PDE3B: variants seen among roughly 807,000 people sequenced by gnomAD.
The protein encoded by PDE3B is cGMP-inhibited 3',5'-cyclic phosphodiesterase 3B.
Under a neutral mutation model 116.8 loss-of-function variants are expected in PDE3B, and 66 were observed. That is an observed-to-expected ratio of 0.56 (90% CI 0.46 to 0.69). The LOEUF (loss-of-function observed/expected upper bound fraction) is 0.69. Ranked by LOEUF, PDE3B falls within the 30% of genes least tolerant of loss-of-function variation. The pLI, the probability that PDE3B is intolerant of heterozygous loss-of-function variation, is 0.00. For missense variants in PDE3B, 1,384 were observed against 1,368.1 expected (o/e 1.01, Z -0.18); for synonymous variants, 595 against 533.6 (o/e 1.12, Z -1.59).
chr11:14,721,944 A>T (rs1292681349), intron 1 of PDE3B, among the ~76,000 whole-genome samples: 2 of 150,572 alleles, frequency 1.3e-5, no homozygotes, highest in Non-Finnish European at 1.5e-5. Flanking sequence ...AAAAAAAAGA[A>T]AATGTGGCAC....
chr11:14,854,673 C>T (rs537431826), intron 12 of PDE3B, among the ~76,000 whole-genome samples: 20 of 152,258 alleles, frequency 1.3e-4, no homozygotes, highest in South Asian at 4.1e-4. Flanking sequence ...CATGCCACCA[C>T]GCCCAGCTAA....
intron 10 of PDE3B, among the ~76,000 whole-genome samples, chr11:14,833,901 C>T (rs1000322858): frequency 5.3e-5 from 8 of 152,090 alleles, no homozygotes; most frequent in South Asian, 2.1e-4. Context: ...GGAAATGGAA[C>T]GAAAAGAAAG....
intron 1 of PDE3B, among the ~76,000 whole-genome samples, chr11:14,670,643 A>C (rs1854336085): frequency 6.6e-6 from 1 of 152,188 alleles, no homozygotes; most frequent in African/African-American, 2.4e-5. Context: ...GATGTTTTAA[A>C]GTATTAATGT....
At chr11:14,831,155 T>C (rs1859871129) in intron 8 of PDE3B, among the ~76,000 whole-genome samples, 1 of 151,726 alleles carries the variant, frequency 6.6e-6, no homozygotes, top group African/African-American at 2.4e-5. Context: ...AGAGAATATG[T>C]GCATGTTACT....
rs140825685 is a variant in PDE3B, at chr11:14,697,758, A to G, written c.978+52705A>G. ...ATTTACATCTTAAAATTTTTTTCTC[A>G]ATTTTTAGTTTTCAGTTGTAGATGT... On this transcript the variant is annotated intron_variant, in intron 1 of 15. Transcript: ENST00000282096. 4.4e-3 allele frequency among the ~76,000 whole-genome samples: 661 copies of G among 151,838 alleles called. 2 individuals are homozygous for G. Among genetic ancestry groups the G allele is most frequent in the Non-Finnish European group, 7.2e-3 (488 of 67,900 alleles).
In PDE3B at chr11:14,870,039, G is replaced by C; in HGVS notation, c.*379G>C. On this transcript the variant is annotated 3_prime_UTR_variant, in exon 16 of 16. Transcript: ENST00000282096. This position sits in a 1 kb window ranked among gnomAD's most constrained non-coding sequence, Gnocchi z 4.1. ...CATATTTCAGTTACCAAAGTGGCCA[G>C]GAACTTTTTGCTTTTATGAAAATAG... 1 of 159,634 alleles carries C rather than the reference G, an allele frequency of 6.3e-6. No individual in the cohort carries two copies. The highest frequency in any genetic ancestry group is 1.4e-5 in the Non-Finnish European group (1 of 73,218). The allele number at this position is 159,634 out of a possible 1,614,324, so 9.9% of individuals were successfully genotyped here.
At chr11:14,738,112 A>G (rs1856655253) in intron 1 of PDE3B, among the ~76,000 whole-genome samples, 1 of 152,174 alleles carries the variant, frequency 6.6e-6, no homozygotes, top group Non-Finnish European at 1.5e-5. Flanking sequence ...AGCATGATTT[A>G]TAGTCCTTTG....
chr11:14,758,055 T>C (rs1857245390), intron 1 of PDE3B, among the ~76,000 whole-genome samples: 1 of 151,890 alleles, frequency 6.6e-6, no homozygotes, highest in Non-Finnish European at 1.5e-5. Flanking sequence ...ATTTATTAAA[T>C]AGGGAATCCT....
At chr11:14,724,917 A>T (rs1856236448) in intron 1 of PDE3B, among the ~76,000 whole-genome samples, 1 of 152,222 alleles carries the variant, frequency 6.6e-6, no homozygotes, top group African/African-American at 2.4e-5. Context: ...AGGCACAAAT[A>T]TGGAATCCAG....
intron 14 of PDE3B, among the ~76,000 whole-genome samples, chr11:14,861,695 A>G (rs950116160): frequency 6.6e-6 from 1 of 152,214 alleles, no homozygotes; most frequent in African/African-American, 2.4e-5. Context: ...ACTGAGGGGC[A>G]TAAGGCAGAG....
chr11:14,662,091 G>T (rs1451679649), intron 1 of PDE3B, among the ~76,000 whole-genome samples: 1 of 152,072 alleles, frequency 6.6e-6, no homozygotes, highest in Non-Finnish European at 1.5e-5. Context: ...ACACGGCCGG[G>T]TACTCCTCTG....
At chr11:14,879,490 T>C in the PDE3B span, 8 of 1,411,976 alleles carry the variant, frequency 5.7e-6, no homozygotes, top group African/African-American at 1.4e-5. Flanking sequence ...CTTAGAATTA[T>C]ACCTAAAGTT....
chr11:14,789,893 T>G (rs1858331371), intron 4 of PDE3B, among the ~76,000 whole-genome samples: 1 of 152,048 alleles, frequency 6.6e-6, no homozygotes, highest in Non-Finnish European at 1.5e-5. Flanking sequence ...CAGTACTTTG[T>G]CTTTTGAAAG....
At chr11:14,693,250 G>T (rs535281519) in intron 1 of PDE3B, among the ~76,000 whole-genome samples, 5 of 152,206 alleles carry the variant, frequency 3.3e-5, no homozygotes, top group Non-Finnish European at 5.9e-5. Flanking sequence ...AAAGTGCAAG[G>T]TGAAGCAGCA....
intron 1 of PDE3B, among the ~76,000 whole-genome samples, chr11:14,754,153 T>A (rs1044835511): frequency 1.3e-5 from 2 of 151,960 alleles, no homozygotes; most frequent in Non-Finnish European, 2.9e-5. Flanking sequence ...AGAGGGAGAA[T>A]TAGTTCACTT....
intron 2 of PDE3B, among the ~76,000 whole-genome samples, chr11:14,783,862 C>G (rs1478409848): frequency 6.6e-6 from 1 of 152,154 alleles, no homozygotes; most frequent in Admixed American, 6.5e-5. Flanking sequence ...AAAGGAAGTT[C>G]TTTAAACCAG....
At chr11:14,701,353 A>G (rs1310153175) in intron 1 of PDE3B, among the ~76,000 whole-genome samples, 5 of 151,722 alleles carry the variant, frequency 3.3e-5, no homozygotes, top group Admixed American at 3.3e-4. Flanking sequence ...ACAAGTGATA[A>G]TCAAAAATTA....
At chr11:14,808,659 T>G (rs888432877) in intron 5 of PDE3B, among the ~76,000 whole-genome samples, 1 of 99,456 alleles carries the variant, frequency 1.0e-5, no homozygotes, top group African/African-American at 4.0e-5. Context: ...CACTGAAACC[T>G]ATTATCACCA....
At chr11:14,650,719 G>A (rs1853549571) in intron 1 of PDE3B, among the ~76,000 whole-genome samples, 1 of 152,078 alleles carries the variant, frequency 6.6e-6, no homozygotes, top group Non-Finnish European at 1.5e-5. Context: ...TTGAACCCGG[G>A]AGGCGGAGCT....
Sources: allele counts gnomAD v4.1 joint callset (sites outside exome capture counted in the v4.1 genomes callset), GRCh38; gene constraint gnomAD v4.1.1; non-coding constraint Gnocchi (gnomAD v3.1); transcripts MANE v1.5; gene names NCBI Gene and HGNC (gene_info 2026-07-23, HGNC 2026-07-21).